The following STK31 variants were observed in gnomAD, a reference collection of about 807,000 sequenced individuals.
The protein encoded by STK31 is serine/threonine-protein kinase 31.
A neutral mutation model predicts 129.7 loss-of-function variants in STK31; 89 were observed. That is an observed-to-expected ratio of 0.69 (90% confidence interval 0.58 to 0.82). STK31 has a LOEUF of 0.82. STK31 is among the 40% of genes least tolerant of loss of function. The probability of loss-of-function intolerance (pLI) is 0.00; values close to 1 mark genes in which losing one functional copy is unlikely to be tolerated. For missense variants in STK31, 1,187 were observed against 1,176.4 expected (o/e 1.01, Z -0.13); for synonymous variants, 448 against 395.3 (o/e 1.13, Z -1.58).
intron 23 of STK31, among the ~76,000 whole-genome samples, chr7:23,826,477 T>G (rs956115752): frequency 1.6e-4 from 25 of 152,344 alleles, no homozygotes; most frequent in Admixed American, 1.6e-3. Context: ...CCCTTTATTT[T>G]GAGCCTATGT....
intron 4 of STK31, among the ~76,000 whole-genome samples, chr7:23,724,246 A>G (rs1039879650): frequency 6.6e-6 from 1 of 152,214 alleles, no homozygotes; most frequent in African/African-American, 2.4e-5. Flanking sequence ...TGTTTGTGCC[A>G]GTACCTTATC....
chr7:23,710,139 A>C (rs1785831968), upstream of STK31: 2 of 1,415,636 alleles, frequency 1.4e-6, no homozygotes, highest in African/African-American at 2.8e-5. Context: ...CCTAGGCGGC[A>C]GGCCGTGGCT....
In STK31 at chr7:23,797,578, A is replaced by G. The variant is rs1006351836; in HGVS notation, c.2760+6632A>G. Among the ~76,000 whole-genome samples the G allele has an allele frequency of 1.1e-4, 17 of 152,236 alleles. 1 individual carries two copies. Among genetic ancestry groups the G allele is most frequent in the Admixed American group, 9.2e-4 (14 of 15,286 alleles). On this transcript the variant is annotated intron_variant, in intron 22 of 23. Transcript: ENST00000355870. ...TTGAAACCAATGAGAACAAAGACACAATGTACCAGAATCTCTGGGACACAG... is the reference window on the plus strand; with the variant it reads ...TTGAAACCAATGAGAACAAAGACACGATGTACCAGAATCTCTGGGACACAG...
rs1787105411 is a variant in STK31 at position 23,726,687 on chromosome 7, T to C, written c.250-554T>C. Among the ~76,000 whole-genome samples the C allele has an allele frequency of 2.6e-5, 4 of 151,966 alleles. No homozygotes were observed. In the South Asian group the frequency reaches 8.3e-4, roughly 32 times the overall value. On this transcript the variant is annotated intron_variant, in intron 4 of 23. Coordinates refer to ENST00000355870, the MANE Select transcript of STK31 (RefSeq NM_031414.5). ...CTCTTTATTCTTTTATTAAACATCA[T>C]TCAATTGAGATATAAAATAAAGTAC...
rs923147410 is a variant in STK31 at position 23,730,092 on chromosome 7, G to A, written c.483+843G>A. 1.3e-4 allele frequency among the ~76,000 whole-genome samples: 20 copies of A among 152,102 alleles called. 1 individual carries two copies. Among genetic ancestry groups the A allele is most frequent in the South Asian group, 1.0e-3 (5 of 4,828 alleles). On this transcript the variant is annotated intron_variant, in intron 6 of 23. Coordinates refer to ENST00000355870, the MANE Select transcript of STK31 (RefSeq NM_031414.5). ...GGTAACCTAATTCTGGAAGACGTTCGATAATTTCAGGGGTAGTCTTACAGG... is the reference window on the plus strand; with the variant it reads ...GGTAACCTAATTCTGGAAGACGTTCAATAATTTCAGGGGTAGTCTTACAGG...
intron 23 of STK31, among the ~76,000 whole-genome samples, chr7:23,818,309 T>G (rs1023658761): frequency 2.0e-5 from 3 of 152,182 alleles, no homozygotes; most frequent in African/African-American, 7.2e-5. Context: ...TTCATAGTTC[T>G]CTTTTCCCCA....
At chr7:23,803,575 C>T (rs1046932600) in intron 22 of STK31, among the ~76,000 whole-genome samples, 1 of 151,878 alleles carries the variant, frequency 6.6e-6, no homozygotes, top group African/African-American at 2.4e-5. Flanking sequence ...AGTAATAAAC[C>T]ATATCTTTTT....
chr7:23,821,070 A>T (rs551978999), intron 23 of STK31, among the ~76,000 whole-genome samples: 16 of 149,862 alleles, frequency 1.1e-4, no homozygotes, highest in African/African-American at 3.9e-4. Flanking sequence ...ACTTAGGTTG[A>T]GTCCTTACCT....
intron 15 of STK31, among the ~76,000 whole-genome samples, chr7:23,775,910 G>T (rs1375831485): frequency 1.3e-5 from 2 of 152,156 alleles, no homozygotes; most frequent in East Asian, 3.8e-4. Flanking sequence ...CCTGGTGACA[G>T]TTGTCAAAGG....
At chr7:23,724,378 G>A (rs947322585) in intron 4 of STK31, among the ~76,000 whole-genome samples, 3 of 152,156 alleles carry the variant, frequency 2.0e-5, no homozygotes, top group Admixed American at 6.5e-5. Flanking sequence ...GAGTTTGTCC[G>A]GCTTTCCCAG....
chr7:23,776,879 G>A (rs988591356), intron 15 of STK31, among the ~76,000 whole-genome samples: 1 of 151,854 alleles, frequency 6.6e-6, no homozygotes, highest in Non-Finnish European at 1.5e-5. Flanking sequence ...GAATTAGTTT[G>A]TTCTTGCTTC....
At position 23,832,136 on chromosome 7, in the gene STK31, G is replaced by A. The variant is rs867203075; in HGVS notation, c.2830G>A (p.Asp944Asn). ...GIPKVDQFHL[D>N]DKVKSLLCSL... Reference sequence around the variant, plus strand: ...TTGTAACACCTGTTTTTCCTTGCAGGATGATAAAGTCAAATCCCTCCTCTG... The same window carrying A: ...TTGTAACACCTGTTTTTCCTTGCAGAATGATAAAGTCAAATCCCTCCTCTG... The change falls in exon 24 of 24, where the codon GAT becomes AAT. Residue 944 changes from aspartate (D) to asparagine (N), a missense_variant and splice_region_variant. Coordinates refer to ENST00000355870, the MANE Select transcript of STK31 (RefSeq NM_031414.5). The A allele has an allele frequency of 6.2e-7, 1 of 1,608,658 alleles. No individual in the cohort carries two copies. The highest frequency in any genetic ancestry group is 1.7e-5 in the Admixed American group (1 of 59,710).
chr7:23,750,392 C>G (rs2128091356), intron 8 of STK31, among the ~76,000 whole-genome samples: 1 of 152,236 alleles, frequency 6.6e-6, no homozygotes, highest in Non-Finnish European at 1.5e-5. Context: ...CCTATCTCAC[C>G]TTTTCTTACA....
intron 3 of STK31, among the ~76,000 whole-genome samples, chr7:23,715,873 ATTTTAT>A (rs1786285128): frequency 6.6e-6 from 1 of 152,112 alleles, no homozygotes; most frequent in African/African-American, 2.4e-5. Context: ...TATATTTAAC[ATTTTAT>A]TTTGAAGAAA....
chr7:23,815,086 T>G, intron 22 of STK31, 58 bp from the exon 23 acceptor site: 3 of 1,288,406 alleles, frequency 2.3e-6, no homozygotes, highest in Non-Finnish European at 3.2e-6. Flanking sequence ...AGTTGACTCT[T>G]CTATAGATTG....
chr7:23,737,146 A>G, intron 8 of STK31, 68 bp downstream of exon 8: 1 of 1,331,782 alleles, frequency 7.5e-7, no homozygotes, highest in Admixed American at 2.8e-5. Context: ...GCTGCTATTT[A>G]TTTTTCTGTC....
At chr7:23,732,196 C>G (rs146451319) in intron 6 of STK31, among the ~76,000 whole-genome samples, 2 of 151,418 alleles carry the variant, frequency 1.3e-5, no homozygotes, top group African/African-American at 4.9e-5. Context: ...CTGTAGTCCC[C>G]GCTACTCAGG....
intron 8 of STK31, among the ~76,000 whole-genome samples, chr7:23,752,202 C>T (rs924230734): frequency 6.6e-6 from 1 of 151,820 alleles, no homozygotes; most frequent in Non-Finnish European, 1.5e-5. Context: ...GAATAAATTC[C>T]AAAAAGCTGT....
chr7:23,818,379 T>C (rs999284476), intron 23 of STK31, among the ~76,000 whole-genome samples: 6 of 152,198 alleles, frequency 3.9e-5, no homozygotes, highest in Admixed American at 6.5e-5. Flanking sequence ...TTACAGGCAG[T>C]ATATTTTATA....
Sources: gnomAD v4.1 joint callset for allele counts (sites outside exome capture counted in the v4.1 genomes callset) on GRCh38, gnomAD v4.1.1 for gene constraint, MANE v1.5 for transcripts, NCBI Gene and HGNC (gene_info 2026-07-23, HGNC 2026-07-21) for gene names.